The following EGF variants were observed in gnomAD, a reference collection of about 807,000 sequenced individuals.
EGF encodes epidermal growth factor.
In EGF, 95 loss-of-function variants were observed where a neutral mutation model predicts 143.8. The observed-to-expected ratio is 0.66, with a 90% CI of 0.56 to 0.78. The LOEUF (loss-of-function observed/expected upper bound fraction) is 0.78, where lower values mean the gene tolerates loss of function less well. EGF is among the 30% of genes least tolerant of loss of function. EGF has a pLI of 0.00. For missense variants in EGF, 1,320 were observed against 1,470.9 expected, an observed-to-expected ratio of 0.90 and a Z score of 1.68; for synonymous variants, 510 against 510.5, an observed-to-expected ratio of 1.00 and a Z score of 0.01.
chr4:110,011,937 G>A lies in EGF; in HGVS notation c.*482G>A, dbSNP rs906933143. 1 of 161,894 alleles carries A rather than the reference G, an allele frequency of 6.2e-6. No homozygotes were observed. Among genetic ancestry groups the A allele is most frequent in the African/African-American group, 2.4e-5 (1 of 41,556 alleles). 10.0% of individuals were successfully genotyped at this position (161,894 alleles called of 1,614,324 possible). ...AGTGTAGGCATTTAACTCCTCATTGGCGTGGTCCATGCTGATGATTTTGCA... is the reference window on the plus strand; with the variant it reads ...AGTGTAGGCATTTAACTCCTCATTGACGTGGTCCATGCTGATGATTTTGCA... On this transcript the variant is annotated 3_prime_UTR_variant, in exon 24 of 24. Coordinates refer to ENST00000265171, the MANE Select transcript of EGF (RefSeq NM_001963.6).
At chr4:109,940,000 T>C (rs369961966) in intron 1 of EGF, among the ~76,000 whole-genome samples, 5 of 152,206 alleles carry the variant, frequency 3.3e-5, no homozygotes, top group African/African-American at 1.2e-4. Context: ...CTAACTTGAC[T>C]TGATGTAACT....
At chr4:109,965,598 A>T (rs1344739349) in intron 10 of EGF, among the ~76,000 whole-genome samples, 3 of 152,162 alleles carry the variant, frequency 2.0e-5, no homozygotes, top group African/African-American at 7.2e-5. Context: ...CAACAAGTGA[A>T]TGTGGAGACC....
chr4:110,006,947 G>A (rs956338673), intron 22 of EGF, among the ~76,000 whole-genome samples: 2 of 152,114 alleles, frequency 1.3e-5, no homozygotes, highest in African/African-American at 4.8e-5. Context: ...CCAGAATTTC[G>A]GGACCTATGT....
At chr4:109,986,578 G>A (rs1285365569) in intron 16 of EGF, among the ~76,000 whole-genome samples, 1 of 151,968 alleles carries the variant, frequency 6.6e-6, no homozygotes, top group South Asian at 2.1e-4. Context: ...TTAATTTATC[G>A]GCAAGTTTGG....
chr4:109,992,499 G>C (rs987694113), intron 18 of EGF: 2 of 152,134 alleles, frequency 1.3e-5, no homozygotes, highest in Admixed American at 6.5e-5. Context: ...CTGTTGGTGG[G>C]ACTGTAAACT....
At chr4:109,934,947 C>A (rs1740489087) in intron 1 of EGF, among the ~76,000 whole-genome samples, 1 of 152,060 alleles carries the variant, frequency 6.6e-6, no homozygotes, top group Non-Finnish European at 1.5e-5. Context: ...CGGTACCATG[C>A]TGTTTTGGTT....
Position 110,012,960 on chromosome 4 carries a change from G to C in EGF, c.*1505G>C, listed in dbSNP as rs1307357176. The stretch of plus-strand genomic sequence containing the variant: ...GACATCAGAATAAAAAGAAATTGAA[G>C]TACCTGTTTTCAAATGGATACTTTA... On this transcript the variant is annotated 3_prime_UTR_variant, in exon 24 of 24. Transcript: ENST00000265171. Among the ~76,000 whole-genome samples the C allele has an allele frequency of 6.6e-6, 1 of 152,150 alleles. No individual in the cohort carries two copies. The highest frequency in any genetic ancestry group is 2.4e-5 in the African/African-American group (1 of 41,446).
intron 16 of EGF, among the ~76,000 whole-genome samples, chr4:109,986,301 G>T (rs542916405): frequency 7.9e-5 from 12 of 152,064 alleles, no homozygotes; most frequent in Non-Finnish European, 1.2e-4. Context: ...TTGGGTAATC[G>T]GATACTGTCC....
intron 10 of EGF, 75 bp downstream of exon 10, chr4:109,964,612 C>T: frequency 6.3e-7 from 1 of 1,595,300 alleles, no homozygotes; most frequent in East Asian, 2.2e-5. Context: ...AACAAATGAC[C>T]TGGCCTACTT....
chr4:109,915,914 A>G (rs1736565034), intron 1 of EGF, among the ~76,000 whole-genome samples: 1 of 152,092 alleles, frequency 6.6e-6, no homozygotes, highest in South Asian at 2.1e-4. Flanking sequence ...CCTCCTTTTA[A>G]CTGAGTATTC....
At chr4:109,968,847 C>T in intron 10 of EGF, 124 bp from the exon 11 acceptor site, 4 of 1,251,876 alleles carry the variant, frequency 3.2e-6, no homozygotes, top group Non-Finnish European at 4.6e-6. Context: ...AATTTAGTTG[C>T]AGGTGTGCCT....
intron 5 of EGF, among the ~76,000 whole-genome samples, chr4:109,954,010 A>G (rs1744368250): frequency 2.0e-5 from 3 of 152,256 alleles, no homozygotes; most frequent in Non-Finnish European, 4.4e-5. Flanking sequence ...AAAAGACTCA[A>G]TGGGCCTGAA....
intron 21 of EGF, among the ~76,000 whole-genome samples, chr4:110,003,089 T>A (rs1028254755): frequency 6.6e-6 from 1 of 152,196 alleles, no homozygotes; most frequent in African/African-American, 2.4e-5. Flanking sequence ...GTTGATTCCG[T>A]GTCTTTGCCA....
At chr4:109,956,702 A>C (rs949927198) in intron 5 of EGF, among the ~76,000 whole-genome samples, 4 of 152,232 alleles carry the variant, frequency 2.6e-5, no homozygotes, top group Admixed American at 6.5e-5. Flanking sequence ...GCAAGAAATA[A>C]AATTTTTGGA....
chr4:109,914,386 G>A (rs1325642687), intron 1 of EGF, among the ~76,000 whole-genome samples: 2 of 152,144 alleles, frequency 1.3e-5, no homozygotes, highest in Non-Finnish European at 2.9e-5. Flanking sequence ...GTTTCCAGAA[G>A]AGACACCTAT....
At chr4:109,951,947 T>C (rs1744001954) in intron 5 of EGF, among the ~76,000 whole-genome samples, 1 of 152,248 alleles carries the variant, frequency 6.6e-6, no homozygotes, top group East Asian at 1.9e-4. Flanking sequence ...TCTCTCTTTT[T>C]ACATTTTTCT....
chr4:109,945,072 G>C lies in EGF; in HGVS notation c.738-1G>C, dbSNP rs756341864. On this transcript the variant is annotated splice_acceptor_variant, in intron 4 of 23. Coordinates refer to ENST00000265171, the MANE Select transcript of EGF (RefSeq NM_001963.6). LOFTEE classifies it high-confidence loss of function. ...TTTTTTCTTTTGTGGTTGCTTTTTA[G>C]GCATAATTTGTTTGCAATGTCCCTT... The C allele has an allele frequency of 6.2e-7, 1 of 1,613,976 alleles. No individual in the cohort carries two copies. Among genetic ancestry groups the C allele is most frequent in the Non-Finnish European group, 8.5e-7 (1 of 1,179,992 alleles).
chr4:109,964,765 A>G (rs1030031746), intron 10 of EGF, among the ~76,000 whole-genome samples: 1 of 152,166 alleles, frequency 6.6e-6, no homozygotes, highest in African/African-American at 2.4e-5. Context: ...TTTTATTGGA[A>G]ATGATCACAC....
At chr4:109,914,540 T>C (rs1736268804) in intron 1 of EGF, among the ~76,000 whole-genome samples, 1 of 152,242 alleles carries the variant, frequency 6.6e-6, no homozygotes, top group Admixed American at 6.5e-5. Context: ...ATCTCTGGAC[T>C]CTGTTCTCAG....
Sources: gnomAD v4.1 joint callset for allele counts (sites outside exome capture counted in the v4.1 genomes callset) on GRCh38, gnomAD v4.1.1 for gene constraint, MANE v1.5 for transcripts, NCBI Gene and HGNC (gene_info 2026-07-23, HGNC 2026-07-21) for gene names.